The following PLAC1 variants were observed in gnomAD, a reference collection of about 807,000 sequenced individuals.
PLAC1 encodes placenta-specific protein 1.
For synonymous variants in PLAC1, 68 were observed against 62.1 expected, an observed-to-expected ratio of 1.09 and a Z score of -0.44; for missense variants, 136 against 163.2, an observed-to-expected ratio of 0.83 and a Z score of 0.91.
chrX:134,718,455 C>G (rs1222785970), intron 2 of PLAC1, among the ~76,000 whole-genome samples: 1 of 112,303 alleles, frequency 8.9e-6, no homozygotes, highest in Non-Finnish European at 1.9e-5. Context: ...AGTGAGTCAC[C>G]GTTTTTACAG....
intron 1 of PLAC1, among the ~76,000 whole-genome samples, chrX:134,742,190 T>C (rs1000248788): frequency 3.5e-5 from 4 of 113,086 alleles, no homozygotes; most frequent in Non-Finnish European, 7.5e-5. Context: ...ACAGGCTTAC[T>C]GTTCCCTCCA....
intron 1 of PLAC1, among the ~76,000 whole-genome samples, chrX:134,643,511 C>T (rs2078316885): frequency 8.9e-6 from 1 of 111,808 alleles, no homozygotes; most frequent in Admixed American, 9.5e-5. Context: ...AATCAAATCT[C>T]GCACTTTGGA....
rs1416589559 is a variant in PLAC1, at chrX:134,621,317, G to T, written c.-130-19195C>A. Among the ~76,000 whole-genome samples the T allele has an allele frequency of 3.7e-5, 4 of 108,010 alleles. No individual in the cohort carries two copies. The East Asian group carries it at 1.2e-3, about 31-fold the overall frequency. The allele number at this position is 108,010 out of a possible 115,157, so 93.8% of individuals were successfully genotyped here. ...AAAAATTAGCCAGGTGTGGTGGTGC[G>T]CAACTGTGATCCCAGCTACTTGAGA... On this transcript the variant is annotated intron_variant, in intron 1 of 2. Coordinates refer to ENST00000359237, the MANE Select transcript of PLAC1 (RefSeq NM_021796.4).
At chrX:134,697,046 G>GGAAA (rs1374351849) in intron 2 of PLAC1, among the ~76,000 whole-genome samples, 2 of 106,563 alleles carry the variant, frequency 1.9e-5, no homozygotes, top group Non-Finnish European at 3.9e-5. Context: ...AAAAAAAAAA[G>GGAAA]GAAAGAAAGA....
intron 2 of PLAC1, among the ~76,000 whole-genome samples, chrX:134,585,175 C>CAAAAAAAAAA (rs56343935): frequency 1.2e-3 from 41 of 33,476 alleles, no homozygotes; most frequent in Non-Finnish European, 1.3e-3. Flanking sequence ...ACTAAAAGTA[C>CAAAAAAAAAA]AAAAAAAAAA....
At chrX:134,630,900 A>G in intron 1 of PLAC1, among the ~76,000 whole-genome samples, 1 of 111,965 alleles carries the variant, frequency 8.9e-6, no homozygotes, top group East Asian at 2.8e-4. Context: ...TAGCTGCTGC[A>G]CCTGAGGAGG....
intron 2 of PLAC1, among the ~76,000 whole-genome samples, chrX:134,591,804 C>T (rs984587678): frequency 8.9e-6 from 1 of 112,132 alleles, no homozygotes; most frequent in African/African-American, 3.2e-5. Flanking sequence ...TTCTCACCAA[C>T]ATTTGGTATT....
In PLAC1 at chrX:134,614,210, T is replaced by A. The variant is rs973617058; in HGVS notation, c.-130-12088A>T. Among the ~76,000 whole-genome samples the A allele has an allele frequency of 3.6e-5, 4 of 111,594 alleles. No homozygotes were observed. The East Asian group carries it at 1.1e-3, about 31-fold the overall frequency. On this transcript the variant is annotated intron_variant, in intron 1 of 2. Coordinates refer to ENST00000359237, the MANE Select transcript of PLAC1 (RefSeq NM_021796.4). Reference sequence around the variant, plus strand: ...CACCCAGTGTCTAGTTATACTTTCTTATGATTTTACTTTCACATATTCTTT... The same window carrying A: ...CACCCAGTGTCTAGTTATACTTTCTAATGATTTTACTTTCACATATTCTTT...
intron 2 of PLAC1, among the ~76,000 whole-genome samples, chrX:134,594,013 C>T (rs5933432): frequency 0.18 from 19,953 of 110,276 alleles, 1,463 homozygotes; most frequent in Non-Finnish European, 0.2. Context: ...AGTTTTTCAC[C>T]ATTAAGTAAA....
At chrX:134,711,980 A>G (rs2078629333) in intron 2 of PLAC1, among the ~76,000 whole-genome samples, 1 of 111,891 alleles carries the variant, frequency 8.9e-6, no homozygotes, top group Admixed American at 9.5e-5. Flanking sequence ...CCTCCAGCAT[A>G]CATTTGAAAA....
At chrX:134,639,410 A>G (rs147267615) in intron 1 of PLAC1, among the ~76,000 whole-genome samples, 256 of 111,405 alleles carry the variant, frequency 2.3e-3, no homozygotes, top group Middle Eastern at 9.2e-3. Context: ...AGGAATAAAC[A>G]CTTGACTTAG....
rs1433084710 is a variant in PLAC1 at position 134,732,813 on chromosome X, G to A, written n.174+622C>T. Among the ~76,000 whole-genome samples, 4 of 112,417 alleles carry A rather than the reference G, an allele frequency of 3.6e-5. No homozygotes were observed. In the Admixed American group the frequency reaches 3.8e-4, roughly 11 times the overall value. On this transcript the variant is annotated intron_variant and non_coding_transcript_variant, in intron 2 of 2. Coordinates refer to the PLAC1 transcript ENST00000466797. Reference sequence around the variant, plus strand: ...GTACAACGTTACCCAAACATCAGCTGAACACATTGTTTTTGTGGGCATCAA... The same window carrying A: ...GTACAACGTTACCCAAACATCAGCTAAACACATTGTTTTTGTGGGCATCAA...
intron 2 of PLAC1, among the ~76,000 whole-genome samples, chrX:134,574,101 C>T (rs979340898): frequency 6.4e-5 from 7 of 109,960 alleles, no homozygotes; most frequent in African/African-American, 2.3e-4. Flanking sequence ...CACACACACA[C>T]ACACACACAC....
intron 1 of PLAC1, among the ~76,000 whole-genome samples, chrX:134,615,164 A>G (rs2078173693): frequency 8.9e-6 from 1 of 111,939 alleles, no homozygotes; most frequent in Non-Finnish European, 1.9e-5. Context: ...TGTTTTCCAC[A>G]ATGGCTTTAC....
chrX:134,745,646 C>T (rs1016572174), intron 1 of PLAC1, among the ~76,000 whole-genome samples: 2 of 111,666 alleles, frequency 1.8e-5, no homozygotes, highest in Non-Finnish European at 3.8e-5. Context: ...TAGTCATATC[C>T]GCAGTAACAG....
intron 1 of PLAC1, among the ~76,000 whole-genome samples, chrX:134,603,679 A>G (rs1569384524): frequency 9.1e-6 from 1 of 109,903 alleles, no homozygotes; most frequent in Non-Finnish European, 1.9e-5. Context: ...ACTTGATTTA[A>G]AAATAAATGT....
chrX:134,649,821 G>A (rs1389572923), intron 1 of PLAC1, among the ~76,000 whole-genome samples: 1 of 112,024 alleles, frequency 8.9e-6, no homozygotes, highest in Non-Finnish European at 1.9e-5. Context: ...TGAGTACTTT[G>A]AACTAAAGGA....
At chrX:134,570,022 G>T (rs919372506) in intron 2 of PLAC1, among the ~76,000 whole-genome samples, 1 of 110,594 alleles carries the variant, frequency 9.0e-6, no homozygotes, top group African/African-American at 3.3e-5. Flanking sequence ...TAGAGATAGG[G>T]TTTCACCATG....
At chrX:134,692,266 TC>T (rs1011781314) in intron 2 of PLAC1, among the ~76,000 whole-genome samples, 24 of 111,566 alleles carry the variant, frequency 2.2e-4, no homozygotes, top group African/African-American at 7.5e-4. Flanking sequence ...ACTGTCCTTT[TC>T]CCCCCTAGAG....
Sources: allele counts gnomAD v4.1 joint callset (sites outside exome capture counted in the v4.1 genomes callset), GRCh38; gene constraint gnomAD v4.1.1; transcripts MANE v1.5; gene names NCBI Gene and HGNC (gene_info 2026-07-23, HGNC 2026-07-21).